The following ACLY variants were observed in gnomAD, a reference collection of about 807,000 sequenced individuals.
ACLY encodes the protein ATP-citrate synthase.
A neutral mutation model predicts 133.0 loss-of-function variants in ACLY; 41 were observed. That is an observed-to-expected ratio of 0.31 (90% CI 0.24 to 0.40). ACLY has a LOEUF of 0.40. Ranked by LOEUF, ACLY falls within the 10% of genes least tolerant of loss-of-function variation. ACLY has a pLI of 1.00. For missense variants in ACLY, 1,046 were observed against 1,453.8 expected (o/e 0.72, Z 4.56); for synonymous variants, 495 against 549.3 (o/e 0.90, Z 1.38).
chr17:41,896,986 C>T (rs1301443578), intron 13 of ACLY, among the ~76,000 whole-genome samples: 1 of 152,242 alleles, frequency 6.6e-6, no homozygotes, highest in African/African-American at 2.4e-5. Flanking sequence ...CTCTAGCTGG[C>T]GCAGTCCCAC....
intron 12 of ACLY, 92 bp from the exon 13 acceptor site, chr17:41,897,931 T>G (rs1338988483): frequency 8.9e-7 from 1 of 1,128,070 alleles, no homozygotes; most frequent in Non-Finnish European, 1.3e-6. Flanking sequence ...AAACTCGTAA[T>G]AAAAATTATG....
Position 41,905,635 on chromosome 17 carries a change from C to T in ACLY, c.890G>A (p.Gly297Asp), listed in dbSNP as rs781960198. Residue 297 changes from glycine to aspartate, a missense_variant, in exon 9 of 29, where the codon GGT becomes GAT. Gly to Asp is a moderately conservative substitution (Grantham distance 94). Around this residue, in one of 4 missense-constraint regions of ACLY, gnomAD observed 575 missense variants for 804.2 expected, o/e 0.71. Coordinates refer to ENST00000352035, the MANE Select transcript of ACLY (RefSeq NM_001096.3). The stretch of plus-strand genomic sequence containing the variant: ...CCCATAGTTTGCCAGCTCGTTGACA[C>T]CCCCTAGATCACAGATGGTATCGCT... Reference protein sequence around the residue: ...VYSDTICDLGGVNELANYGEY... With the variant: ...VYSDTICDLGDVNELANYGEY... The T allele has an allele frequency of 5.0e-6, 8 of 1,614,078 alleles. No homozygotes were observed. The Admixed American group carries it at 1.3e-4, about 27-fold the overall frequency.
At chr17:41,926,315 C>A (rs2050243144) in intron 1 of ACLY, among the ~76,000 whole-genome samples, 1 of 152,204 alleles carries the variant, frequency 6.6e-6, no homozygotes, top group Non-Finnish European at 1.5e-5. Context: ...TCACTTATAT[C>A]CTTGTGCTGT....
chr17:41,905,579 T>A lies in ACLY; in HGVS notation c.946A>T (p.Thr316Ser), dbSNP rs2049689916. Reference protein sequence around the residue: ...EYSGAPSEQQTYDYAKTILSL... With the variant: ...EYSGAPSEQQSYDYAKTILSL... ...AGGATAGTCTTGGCATAGTCATAGGTCTGCTGCTCGCTGGGGGCGCCTGAG... is the reference window on the plus strand; with the variant it reads ...AGGATAGTCTTGGCATAGTCATAGGACTGCTGCTCGCTGGGGGCGCCTGAG... Residue 316 changes from threonine to serine, a missense_variant, in exon 9 of 29, where the codon ACC becomes TCC. Thr to Ser is a moderately conservative substitution (Grantham distance 58). Around this residue, in one of 4 missense-constraint regions of ACLY, gnomAD observed 575 missense variants for 804.2 expected, o/e 0.71. Coordinates refer to ENST00000352035, the MANE Select transcript of ACLY (RefSeq NM_001096.3). The A allele has an allele frequency of 6.2e-7, 1 of 1,614,140 alleles. No homozygotes were observed.
chr17:41,877,141 TCTCC>T lies in ACLY; in HGVS notation c.2487+958_2487+961del, dbSNP rs532772266. Among the ~76,000 whole-genome samples the T allele has an allele frequency of 2.0e-3, 296 of 151,680 alleles. 3 individuals are homozygous for T. Among genetic ancestry groups the T allele is most frequent in the African/African-American group, 6.8e-3 (280 of 41,384 alleles). ...CATGAATATGTTCTCTATCTCTCTC[TCTCC>T]TTTTTTTTTTTTGAGACGGAGTTTC... On this transcript the variant is annotated intron_variant, in intron 22 of 28. Coordinates refer to ENST00000352035, the MANE Select transcript of ACLY (RefSeq NM_001096.3).
At chr17:41,909,154 GC>G in intron 5 of ACLY, 86 bp from the exon 6 acceptor site, 1 of 990,570 alleles carries the variant, frequency 1.0e-6, no homozygotes. Context: ...ATCTCTCACT[GC>G]CACCGACAGC....
intron 9 of ACLY, 118 bp downstream of exon 9, chr17:41,905,404 C>T: frequency 7.3e-7 from 1 of 1,363,204 alleles, no homozygotes. Flanking sequence ...TGATTAGCCT[C>T]AAGTTGCAAA....
At chr17:41,921,497 A>G (rs1479594161), upstream of ACLY, among the ~76,000 whole-genome samples, 5 of 147,648 alleles carry the variant, frequency 3.4e-5, no homozygotes, top group East Asian at 2.0e-4. Context: ...AAAAAAAAAC[A>G]AAAAAGAAAA....
chr17:41,881,102 G>T (rs1276522632), intron 20 of ACLY, among the ~76,000 whole-genome samples: 3 of 151,702 alleles, frequency 2.0e-5, no homozygotes, highest in African/African-American at 7.3e-5. Flanking sequence ...AGAGTTGGGG[G>T]GAGAGCAATG....
At chr17:41,927,636 G>A (rs1555636133) in intron 1 of ACLY, among the ~76,000 whole-genome samples, 1 of 152,134 alleles carries the variant, frequency 6.6e-6, no homozygotes, top group African/African-American at 2.4e-5. Context: ...GATTAGCCTG[G>A]CTAACACAGT....
At chr17:41,905,394 T>C (rs533517431) in intron 9 of ACLY, 128 bp downstream of exon 9, 2 of 1,275,976 alleles carry the variant, frequency 1.6e-6, no homozygotes, top group South Asian at 2.7e-5. Flanking sequence ...CAAAGTTCAA[T>C]GATTAGCCTC....
chr17:41,867,948 C>A lies in ACLY; in HGVS notation c.3212-44G>T. 3.5e-6 allele frequency: 5 copies of A among 1,414,946 alleles called. No homozygotes were observed. The South Asian group carries it at 4.8e-5, about 14-fold the overall frequency. 87.6% of individuals were successfully genotyped at this position (1,414,946 alleles called of 1,614,324 possible). On this transcript the variant is annotated intron_variant, in intron 28 of 28. Transcript: ENST00000352035. ...ATCTTTTTTATTAGAGCTTCATAAG[C>A]CTGGTGAGAGGAAGAGGCTAAGGAA...
rs2068070229 is a variant in ACLY, at chr17:41,878,142, C to T, written c.2448G>A (p.Val816=). ...ANGVIVPAQE[V]PPPTVPMDYS... is the part of the protein sequence containing the mutation. ...AGTCCATGGGCACGGTTGGGGGCGG[C>T]ACCTCCTGGGCAGGTACAATGACTC... The change falls in exon 22 of 29, where the codon GTG becomes GTA. Residue 816 remains valine, a synonymous_variant. Transcript: ENST00000352035. 3.1e-6 allele frequency: 5 copies of T among 1,592,744 alleles called. No individual in the cohort carries two copies. Among genetic ancestry groups the T allele is most frequent in the East Asian group, 2.4e-5 (1 of 42,510 alleles).
intron 21 of ACLY, 78 bp from the exon 22 acceptor site, chr17:41,878,274 A>G: frequency 2.1e-6 from 2 of 941,172 alleles, no homozygotes; most frequent in Non-Finnish European, 3.1e-6. Flanking sequence ...AGAATGCTCT[A>G]TCTAACCCAA....
chr17:41,887,525 A>T (rs2049086333), intron 17 of ACLY, 74 bp downstream of exon 17: 2 of 1,294,030 alleles, frequency 1.5e-6, no homozygotes, highest in Admixed American at 3.4e-5. Context: ...GGAGTCAAAA[A>T]GTAAACTTCC....
chr17:41,869,487 ATCT>A lies in ACLY; in HGVS notation c.3035_3037del (p.Lys1012del). On this transcript the variant is annotated inframe_deletion, in exon 26 of 29. Coordinates refer to ENST00000352035, the MANE Select transcript of ACLY (RefSeq NM_001096.3). Reference sequence around the variant, plus strand: ...TTTCTTTGTTACCTTCGAGGTGGTAATCTTCTCTACTTCCAGTGCATAATCGAG... The same window carrying A: ...TTTCTTTGTTACCTTCGAGGTGGTAATCTCTACTTCCAGTGCATAATCGAG... The A allele has an allele frequency of 6.2e-7, 1 of 1,613,676 alleles. No individual in the cohort carries two copies. The highest frequency in any genetic ancestry group is 8.5e-7 in the Non-Finnish European group (1 of 1,179,744).
At chr17:41,897,092 G>T (rs2049389665) in intron 13 of ACLY, among the ~76,000 whole-genome samples, 1 of 152,200 alleles carries the variant, frequency 6.6e-6, no homozygotes, top group Non-Finnish European at 1.5e-5. Context: ...ATGCTGATTT[G>T]GGACAGTGTC....
rs1023967613 is a variant in ACLY at position 41,869,624 on chromosome 17, A to T, written c.2938-37T>A. 1.5e-5 allele frequency: 23 copies of T among 1,529,374 alleles called. No homozygotes were observed. The Admixed American group carries it at 3.2e-4, about 21-fold the overall frequency. 94.7% of individuals were successfully genotyped at this position (1,529,374 alleles called of 1,614,324 possible). A position where few individuals can be genotyped will look rare whatever the true frequency, so the allele number is the denominator to read the frequency against. ...CCCAACGGTACAGAGGAACACTCACACACTGCTGGGATGTGTTTGTTCATA... is the reference window on the plus strand; with the variant it reads ...CCCAACGGTACAGAGGAACACTCACTCACTGCTGGGATGTGTTTGTTCATA... On this transcript the variant is annotated intron_variant, in intron 25 of 28. Coordinates refer to ENST00000352035, the MANE Select transcript of ACLY (RefSeq NM_001096.3).
rs985904387 is a variant in ACLY, at chr17:41,866,926, T to C, written c.*884A>G. On this transcript the variant is annotated 3_prime_UTR_variant, in exon 29 of 29. Transcript: ENST00000352035. ...GCCAGGAGCCAGCAGTATGCCTTCA[T>C]TGTTACTATATAGTTTATTTAAACC... The C allele has an allele frequency of 2.8e-4, 42 of 152,406 alleles. No homozygotes were observed. The highest frequency in any genetic ancestry group is 8.7e-4 in the African/African-American group (36 of 41,572). 9.4% of individuals were successfully genotyped at this position (152,406 alleles called of 1,614,324 possible).
Sources: gnomAD v4.1 joint callset for allele counts (sites outside exome capture counted in the v4.1 genomes callset) on GRCh38, gnomAD v4.1.1 for gene constraint, gnomAD v4.1.1 regional missense constraint, MANE v1.5 for transcripts, NCBI Gene and HGNC (gene_info 2026-07-23, HGNC 2026-07-21) for gene names.